FLRT1: variants seen among roughly 807,000 people sequenced by gnomAD.
FLRT1 encodes fibronectin leucine rich transmembrane protein 1, also known as leucine-rich repeat transmembrane protein FLRT1.
FLRT1 carries 14 observed loss-of-function variants against 30.9 expected under a neutral mutation model. The ratio of observed to expected loss-of-function variants is 0.45; its 90% CI spans 0.30 to 0.71. The LOEUF is 0.71. FLRT1 is among the 30% of genes least tolerant of loss of function. FLRT1 has a pLI of 0.08. For missense variants in FLRT1, 737 were observed against 949.2 expected (o/e 0.78, Z 2.94); for synonymous variants, 368 against 430.4 (o/e 0.85, Z 1.80).
intron 1 of FLRT1, among the ~76,000 whole-genome samples, chr11:64,070,412 C>T (rs568514454): frequency 7.9e-5 from 12 of 152,312 alleles, no homozygotes; most frequent in Admixed American, 4.6e-4. Flanking sequence ...CCGGCCACGC[C>T]TCTCCAGGAG....
intron 2 of FLRT1, among the ~76,000 whole-genome samples, chr11:64,114,768 T>C (rs1944945453): frequency 1.3e-5 from 2 of 152,086 alleles, no homozygotes; most frequent in East Asian, 1.9e-4. Context: ...AATTGATGGA[T>C]GGATGAATGT....
At chr11:64,081,052 T>G (rs2701546) in intron 1 of FLRT1, among the ~76,000 whole-genome samples, 65,122 of 152,052 alleles carry the variant, frequency 0.43, 14,160 homozygotes, top group East Asian at 0.58. Context: ...GATGAAGTCT[T>G]GCCCTGTCCC....
chr11:64,078,774 C>T (rs967686923), intron 1 of FLRT1, among the ~76,000 whole-genome samples: 4 of 143,698 alleles, frequency 2.8e-5, no homozygotes, highest in Admixed American at 1.4e-4. Flanking sequence ...ACCCAAAAGA[C>T]GGGTGACTGC....
rs774254865 is a variant in FLRT1 at position 64,116,321 on chromosome 11, C to T, written c.54C>T (p.Val18=). The change falls in exon 3 of 3, where the codon GTC becomes GTT. Residue 18 remains valine, a synonymous_variant. Transcript: ENST00000682287. ...CCACCACCACGCCCACTGCCACTGT[C>T]ACGGCCACCGTTGTGATGACCACGG... The part of the protein sequence containing the change: ...ATATTTPTAT[V]TATVVMTTAT... The T allele has an allele frequency of 3.1e-6, 5 of 1,609,642 alleles. No homozygotes were observed. The highest frequency in any genetic ancestry group is 8.5e-7 in the Non-Finnish European group (1 of 1,178,886).
intron 1 of FLRT1, among the ~76,000 whole-genome samples, chr11:64,102,340 G>A (rs1251533877): frequency 1.3e-5 from 2 of 151,126 alleles, no homozygotes; most frequent in East Asian, 2.0e-4. Flanking sequence ...GGAAGAGGAG[G>A]GCGGCTGCGG....
At chr11:64,058,137 C>T (rs963990499) in intron 1 of FLRT1, among the ~76,000 whole-genome samples, 21 of 152,368 alleles carry the variant, frequency 1.4e-4, no homozygotes, top group East Asian at 1.3e-3. Context: ...CAGCCCCCAG[C>T]GACTGTGTTT....
Position 64,082,500 on chromosome 11 carries a change from G to T in FLRT1, c.-1037-20694G>T, listed in dbSNP as rs1461526307. On this transcript the variant is annotated intron_variant, in intron 1 of 2. Coordinates refer to ENST00000682287, the MANE Select transcript of FLRT1 (RefSeq NM_013280.5). This position sits in a 1 kb window ranked among gnomAD's most constrained non-coding sequence, Gnocchi z 4.5. ...GGCTGGGGCCAAGAGCTGGTCCCAGGGGGTGAAACAAGGCTCGGTGCCTAA... is the reference window on the plus strand; with the variant it reads ...GGCTGGGGCCAAGAGCTGGTCCCAGTGGGTGAAACAAGGCTCGGTGCCTAA... Among the ~76,000 whole-genome samples the T allele has an allele frequency of 6.6e-6, 1 of 152,076 alleles. No homozygotes were observed. Among genetic ancestry groups the T allele is most frequent in the African/African-American group, 2.4e-5 (1 of 41,414 alleles).
intron 1 of FLRT1, among the ~76,000 whole-genome samples, chr11:64,084,057 G>C (rs890946213): frequency 6.6e-6 from 1 of 152,192 alleles, no homozygotes; most frequent in Non-Finnish European, 1.5e-5. Context: ...GGCAGAGACT[G>C]AGGTTTCCAT....
chr11:64,102,640 C>T (rs913237082), intron 1 of FLRT1, among the ~76,000 whole-genome samples: 6 of 152,200 alleles, frequency 3.9e-5, no homozygotes, highest in Admixed American at 1.3e-4. Flanking sequence ...CCTTCCACCC[C>T]CAGGGAGGGA....
At chr11:64,077,312 G>A (rs1039412878) in intron 1 of FLRT1, among the ~76,000 whole-genome samples, 1 of 152,200 alleles carries the variant, frequency 6.6e-6, no homozygotes, top group Admixed American at 6.5e-5. Context: ...GGTCAGGGAG[G>A]CCAGCACCAT....
intron 1 of FLRT1, among the ~76,000 whole-genome samples, chr11:64,100,699 G>C (rs1291782974): frequency 6.6e-6 from 1 of 152,194 alleles, no homozygotes; most frequent in Non-Finnish European, 1.5e-5. Flanking sequence ...AGTGCTGCTG[G>C]AGAGCTCACA....
At chr11:64,065,128 C>T (rs1011756155) in intron 1 of FLRT1, among the ~76,000 whole-genome samples, 2 of 152,198 alleles carry the variant, frequency 1.3e-5, no homozygotes, top group Non-Finnish European at 2.9e-5. Context: ...GAACGGGCTA[C>T]ACGTGGGCCT....
chr11:64,101,179 G>T (rs1006447118), intron 1 of FLRT1, among the ~76,000 whole-genome samples: 5 of 152,124 alleles, frequency 3.3e-5, no homozygotes, highest in African/African-American at 9.7e-5. Flanking sequence ...TCTTACAGAA[G>T]GGGAACAGTA....
At chr11:64,100,083 A>G (rs1944645414) in intron 1 of FLRT1, among the ~76,000 whole-genome samples, 1 of 152,186 alleles carries the variant, frequency 6.6e-6, no homozygotes, top group Non-Finnish European at 1.5e-5. Context: ...ATAACCCTGC[A>G]CAAGTCCTGC....
At position 64,116,702 on chromosome 11, in the gene FLRT1, C is replaced by G; in HGVS notation, c.435C>G (p.Asp145Glu). ...QDNNVRTIAR[D>E]SLARIPLLEK... ...ACAATGTGCGCACCATTGCCAGGGA[C>G]TCGCTGGCCCGCATCCCGCTGCTGG... The change falls in exon 3 of 3, where the codon GAC (aspartate) becomes GAG (glutamate). Residue 145 changes from aspartate to glutamate, a missense_variant. By Grantham distance (45) the Asp-to-Glu change is conservative. Transcript: ENST00000682287. 1 of 1,613,874 alleles carries G rather than the reference C, an allele frequency of 6.2e-7. No individual in the cohort carries two copies. The highest frequency in any genetic ancestry group is 2.2e-5 in the East Asian group (1 of 44,880).
At chr11:64,043,102 C>CTG (rs1235567925) in intron 1 of FLRT1, among the ~76,000 whole-genome samples, 2 of 152,232 alleles carry the variant, frequency 1.3e-5, no homozygotes, top group African/African-American at 4.8e-5. Flanking sequence ...CGTCCCCTCT[C>CTG]TGTGCCTCTG....
chr11:64,101,134 C>T (rs1272406317), intron 1 of FLRT1, among the ~76,000 whole-genome samples: 2 of 152,042 alleles, frequency 1.3e-5, no homozygotes, highest in East Asian at 3.9e-4. Context: ...GAGGGTGGCC[C>T]ATTGCAGGGA....
intron 1 of FLRT1, among the ~76,000 whole-genome samples, chr11:64,094,742 C>T (rs1254414678): frequency 6.6e-6 from 1 of 152,226 alleles, no homozygotes; most frequent in African/African-American, 2.4e-5. Context: ...CAATGCTGAC[C>T]CCTATCTACC....
In FLRT1 at chr11:64,117,899, C is replaced by A. The variant is rs142685980; in HGVS notation, c.1632C>A (p.Asn544Lys). The part of the protein sequence containing the change: ...GPTTTLNQEQ[N>K]AGPMASLPLA... ...CCACCACACTCAACCAGGAGCAGAACGCTGGCCCCATGGCGAGCCTGCCCC... is the reference window on the plus strand; with the variant it reads ...CCACCACACTCAACCAGGAGCAGAAAGCTGGCCCCATGGCGAGCCTGCCCC... Residue 544 changes from asparagine to lysine, a missense_variant, in exon 3 of 3, where the codon AAC (asparagine) becomes AAA (lysine). Asn to Lys is a moderately conservative substitution (Grantham distance 94). Coordinates refer to ENST00000682287, the MANE Select transcript of FLRT1 (RefSeq NM_013280.5). The A allele has an allele frequency of 5.0e-6, 8 of 1,613,780 alleles. No homozygotes were observed. The African/African-American group carries it at 1.1e-4, about 22-fold the overall frequency.
Sources: gnomAD v4.1 joint callset for allele counts (sites outside exome capture counted in the v4.1 genomes callset) on GRCh38, gnomAD v4.1.1 for gene constraint, Gnocchi (gnomAD v3.1) non-coding constraint, MANE v1.5 for transcripts, NCBI Gene and HGNC (gene_info 2026-07-23, HGNC 2026-07-21) for gene names.